The following FARSB variants were observed in gnomAD, a reference collection of about 807,000 sequenced individuals.
FARSB encodes the protein phenylalanine--tRNA ligase beta subunit.
FARSB carries 40 observed loss-of-function variants against 69.6 expected under a neutral mutation model. The observed-to-expected ratio is 0.57, with a 90% CI of 0.45 to 0.75. The LOEUF (loss-of-function observed/expected upper bound fraction) is 0.75, where lower values mean the gene tolerates loss of function less well. Among genes scored for constraint, FARSB ranks in the 30% least tolerant of loss-of-function variants. The probability of loss-of-function intolerance (pLI) is 0.00; values close to 1 mark genes in which losing one functional copy is unlikely to be tolerated. For missense variants in FARSB, 632 were observed against 722.9 expected (o/e 0.87, Z 1.44); for synonymous variants, 235 against 247.2 (o/e 0.95, Z 0.46).
In FARSB at chr2:222,624,745, C is replaced by T; in HGVS notation, c.931G>A (p.Ala311Thr). ...CCAACTTTTTTGTTAATTAGGTCAGCTCTCACCATCTCCTTTCGGTAAGCT... is the reference window on the plus strand; with the variant it reads ...CCAACTTTTTTGTTAATTAGGTCAGTTCTCACCATCTCCTTTCGGTAAGCT... ...ELAYRKEMVR[A>T]DLINKKVGIR... Residue 311 changes from alanine (A) to threonine (T), a missense_variant, in exon 11 of 17, where the codon GCT (alanine) becomes ACT (threonine). Physicochemically the swap from Ala to Thr is moderately conservative, Grantham distance 58. Coordinates refer to ENST00000281828, the MANE Select transcript of FARSB (RefSeq NM_005687.5). 6.2e-7 allele frequency: 1 copy of T among 1,605,136 alleles called. No homozygotes were observed. The highest frequency in any genetic ancestry group is 8.5e-7 in the Non-Finnish European group (1 of 1,174,864).
intron 15 of FARSB, among the ~76,000 whole-genome samples, chr2:222,604,217 T>TAA (rs781762522): frequency 2.6e-4 from 34 of 130,824 alleles, no homozygotes; most frequent in African/African-American, 6.2e-4. Flanking sequence ...GACTCCGTCT[T>TAA]AAAAAAAAAA....
At chr2:222,649,327 T>C (rs976470259) in intron 1 of FARSB, among the ~76,000 whole-genome samples, 10 of 147,636 alleles carry the variant, frequency 6.8e-5, no homozygotes, top group African/African-American at 2.3e-4. Flanking sequence ...TCTACACTAA[T>C]ATCAACTGTA....
intron 15 of FARSB, 80 bp downstream of exon 15, chr2:222,613,731 C>T: frequency 3.3e-6 from 3 of 895,626 alleles, no homozygotes; most frequent in Admixed American, 1.9e-5. Context: ...ATTTTTTCTG[C>T]TTTTATGTAT....
At position 222,623,692 on chromosome 2, in the gene FARSB, G is replaced by A. The variant is rs1391515466; in HGVS notation, c.1209C>T (p.Asp403=). ...CTTCAGTGAAGCCAGCGGCTGCCATGTCATGTCGGAGAAGTTCAGTGAGCT... is the reference window on the plus strand; with the variant it reads ...CTTCAGTGAAGCCAGCGGCTGCCATATCATGTCGGAGAAGTTCAGTGAGCT... ...LNKLTELLRH[D]MAAAGFTEAL... The change falls in exon 13 of 17, where the codon GAC becomes GAT. Residue 403 remains aspartate, a synonymous_variant. Coordinates refer to ENST00000281828, the MANE Select transcript of FARSB (RefSeq NM_005687.5). The A allele has an allele frequency of 6.2e-7, 1 of 1,612,158 alleles. No individual in the cohort carries two copies. The highest frequency in any genetic ancestry group is 8.5e-7 in the Non-Finnish European group (1 of 1,178,392).
At chr2:222,590,074 A>C (rs1199574955) in intron 16 of FARSB, among the ~76,000 whole-genome samples, 7 of 152,198 alleles carry the variant, frequency 4.6e-5, no homozygotes, top group Non-Finnish European at 7.3e-5. Flanking sequence ...ACGTATGTTT[A>C]TTGCGGCACT....
At chr2:222,640,046 G>T (rs1036739627) in intron 4 of FARSB, among the ~76,000 whole-genome samples, 1 of 152,110 alleles carries the variant, frequency 6.6e-6, no homozygotes, top group African/African-American at 2.4e-5. Flanking sequence ...TTTTAAACAT[G>T]CATTGGATAT....
intron 1 of FARSB, among the ~76,000 whole-genome samples, chr2:222,651,163 G>A (rs941837878): frequency 6.6e-5 from 10 of 152,018 alleles, no homozygotes; most frequent in Non-Finnish European, 1.5e-4. Flanking sequence ...TCAGAAAGCA[G>A]AAGAAGAGGA....
At chr2:222,643,901 C>G (rs2106239495) in intron 2 of FARSB, among the ~76,000 whole-genome samples, 1 of 152,324 alleles carries the variant, frequency 6.6e-6, no homozygotes, top group African/African-American at 2.4e-5. Context: ...AGAGAAGTTA[C>G]ACTCTATTCC....
At chr2:222,630,068 C>T (rs778914283) in intron 9 of FARSB, 45 bp downstream of exon 9, 16 of 1,176,854 alleles carry the variant, frequency 1.4e-5, no homozygotes, top group Middle Eastern at 1.9e-4. Flanking sequence ...CAAAGCCTCG[C>T]CTTCAGAACA....
chr2:222,581,485 T>C (rs140633408), intron 16 of FARSB, among the ~76,000 whole-genome samples: 13 of 152,324 alleles, frequency 8.5e-5, no homozygotes, highest in African/African-American at 3.1e-4. Flanking sequence ...AAGCAGACTA[T>C]GGATTAACAT....
intron 16 of FARSB, among the ~76,000 whole-genome samples, chr2:222,591,802 G>A (rs966962858): frequency 6.6e-6 from 1 of 152,054 alleles, no homozygotes; most frequent in Non-Finnish European, 1.5e-5. Context: ...AAATGCAAAT[G>A]CAAACTGGAA....
At chr2:222,597,215 CT>C in intron 16 of FARSB, among the ~76,000 whole-genome samples, 1 of 152,246 alleles carries the variant, frequency 6.6e-6, no homozygotes, top group East Asian at 1.9e-4. Context: ...GTGTAAAAAG[CT>C]TTTCATGTTC....
intron 5 of FARSB, among the ~76,000 whole-genome samples, chr2:222,638,510 C>T (rs1691640215): frequency 6.6e-6 from 1 of 152,046 alleles, no homozygotes. Flanking sequence ...TATTGTTTTG[C>T]TTAATAATGA....
chr2:222,616,204 G>A (rs1296146470), intron 14 of FARSB, among the ~76,000 whole-genome samples: 1 of 152,092 alleles, frequency 6.6e-6, no homozygotes, highest in Non-Finnish European at 1.5e-5. Context: ...AGGATGAGAG[G>A]TGCAAGTTGT....
chr2:222,633,133 T>G, intron 7 of FARSB, 66 bp downstream of exon 7: 1 of 843,242 alleles, frequency 1.2e-6, no homozygotes, highest in Non-Finnish European at 2.1e-6. Context: ...CTATTGAGAA[T>G]TCTACAGAAA....
At chr2:222,619,917 CA>C (rs1355937598) in intron 13 of FARSB, among the ~76,000 whole-genome samples, 180 bp from the exon 14 acceptor site, 2 of 151,902 alleles carry the variant, frequency 1.3e-5, no homozygotes, top group African/African-American at 4.8e-5. Flanking sequence ...AAAAAACAAA[CA>C]AAAAAAGAAT....
rs1689681531 is a variant in FARSB, at chr2:222,569,663, G to A, written c.*2208C>T. On this transcript the variant is annotated 3_prime_UTR_variant, in exon 17 of 17. Coordinates refer to ENST00000281828, the MANE Select transcript of FARSB (RefSeq NM_005687.5). Reference sequence around the variant, plus strand: ...CACTGCAGTCAGTTCTCTTTCCTGAGGTCCTGCCGACCACCTGCTTTTGAC... The same window carrying A: ...CACTGCAGTCAGTTCTCTTTCCTGAAGTCCTGCCGACCACCTGCTTTTGAC... 6.6e-6 allele frequency: 1 copy of A among 152,086 alleles called. No individual in the cohort carries two copies. Among genetic ancestry groups the A allele is most frequent in the East Asian group, 1.9e-4 (1 of 5,200 alleles). 9.4% of individuals were successfully genotyped at this position (152,086 alleles called of 1,614,324 possible).
intron 10 of FARSB, among the ~76,000 whole-genome samples, chr2:222,626,243 C>CAAAAA (rs36117232): frequency 6.3e-4 from 36 of 56,772 alleles, no homozygotes; most frequent in African/African-American, 9.3e-4. Flanking sequence ...GACTCCATCT[C>CAAAAA]AAAAAAAAAA....
intron 12 of FARSB, 137 bp downstream of exon 12, chr2:222,624,135 T>C: frequency 1.5e-6 from 1 of 662,272 alleles, no homozygotes; most frequent in South Asian, 1.8e-5. Context: ...TTGTATCCTC[T>C]CCACAGCAAA....
Sources: gnomAD v4.1 joint callset for allele counts (sites outside exome capture counted in the v4.1 genomes callset) on GRCh38, gnomAD v4.1.1 for gene constraint, MANE v1.5 for transcripts, NCBI Gene and HGNC (gene_info 2026-07-23, HGNC 2026-07-21) for gene names.